The following DPYD variants were observed in gnomAD, a reference collection of about 807,000 sequenced individuals.
The protein encoded by DPYD is dihydropyrimidine dehydrogenase [NADP(+)].
A neutral mutation model predicts 116.2 loss-of-function variants in DPYD; 109 were observed. The ratio of observed to expected loss-of-function variants is 0.94; its 90% CI spans 0.80 to 1.10. DPYD has a LOEUF of 1.10. DPYD is among the 50% of genes least tolerant of loss of function. The probability of loss-of-function intolerance (pLI) is 0.00; values close to 1 mark genes in which losing one functional copy is unlikely to be tolerated. For missense variants in DPYD, 1,302 were observed against 1,254.5 expected (o/e 1.04, Z -0.57); for synonymous variants, 440 against 432.0 (o/e 1.02, Z -0.23).
intron 19 of DPYD, among the ~76,000 whole-genome samples, chr1:97,232,403 G>C (rs760678095): frequency 5.8e-4 from 89 of 152,192 alleles, no homozygotes; most frequent in Non-Finnish European, 1.1e-3. Context: ...GCCCTCTTTG[G>C]AAGTCTACCT....
chr1:97,374,699 A>G (rs1671501612), intron 15 of DPYD, among the ~76,000 whole-genome samples: 2 of 133,620 alleles, frequency 1.5e-5, no homozygotes, highest in South Asian at 2.7e-4. Context: ...AGCCTGGGAA[A>G]GAGCAAGACT....
chr1:97,892,700 G>A (rs1197438318), intron 1 of DPYD, among the ~76,000 whole-genome samples: 1 of 151,692 alleles, frequency 6.6e-6, no homozygotes, highest in Non-Finnish European at 1.5e-5. Flanking sequence ...ACTTTTCCAA[G>A]TAACTTATCA....
intron 18 of DPYD, among the ~76,000 whole-genome samples, chr1:97,267,163 C>T (rs1664293119): frequency 6.6e-6 from 1 of 152,152 alleles, no homozygotes; most frequent in African/African-American, 2.4e-5. Context: ...AAAAGCGTTT[C>T]TATTTCTCCA....
chr1:97,824,195 T>A (rs190036442), intron 3 of DPYD, among the ~76,000 whole-genome samples: 1 of 152,204 alleles, frequency 6.6e-6, no homozygotes, highest in African/African-American at 2.4e-5. Flanking sequence ...AAATAAGAGC[T>A]ACCTTGTCTC....
chr1:97,292,025 AT>A (rs1035121325), intron 18 of DPYD, among the ~76,000 whole-genome samples: 37 of 151,986 alleles, frequency 2.4e-4, no homozygotes, highest in Non-Finnish European at 4.3e-4. Flanking sequence ...ATTAGGTTTT[AT>A]TTTTTTTCCT....
intron 4 of DPYD, among the ~76,000 whole-genome samples, chr1:97,733,884 TACTG>T (rs1159449464): frequency 3.9e-5 from 6 of 152,060 alleles, no homozygotes; most frequent in Admixed American, 1.3e-4. Context: ...ATTTACATCT[TACTG>T]ACTAATATGC....
chr1:97,138,174 G>A (rs1466691044), intron 20 of DPYD, among the ~76,000 whole-genome samples: 1 of 152,124 alleles, frequency 6.6e-6, no homozygotes, highest in African/African-American at 2.4e-5. Context: ...GATGCACACT[G>A]AACCTGGCCT....
intron 20 of DPYD, among the ~76,000 whole-genome samples, chr1:97,173,323 T>TGTGTATATATGTACACATATATGC (rs1290695631): frequency 8.0e-4 from 109 of 136,424 alleles, no homozygotes; most frequent in African/African-American, 3.4e-3. Context: ...CACACATATA[T>TGTGTATATATGTACACATATATGC]ACACATATAT....
chr1:97,367,646 T>C (rs1671106095), intron 16 of DPYD, among the ~76,000 whole-genome samples: 1 of 152,198 alleles, frequency 6.6e-6, no homozygotes, highest in African/African-American at 2.4e-5. Flanking sequence ...CTTATTTGCC[T>C]GTAAAGCTAC....
At chr1:97,857,814 C>T (rs115044824) in intron 2 of DPYD, among the ~76,000 whole-genome samples, 2,122 of 152,164 alleles carry the variant, frequency 0.014, 20 homozygotes, top group Non-Finnish European at 0.021. Context: ...GGAGACCCGA[C>T]TTGATACTAG....
intron 1 of DPYD, among the ~76,000 whole-genome samples, chr1:97,886,343 G>T (rs1034921158): frequency 3.9e-5 from 6 of 152,004 alleles, no homozygotes; most frequent in African/African-American, 1.4e-4. Flanking sequence ...AACTGCAACT[G>T]AGTGCAGCTG....
rs1047432772 is a variant in DPYD, at chr1:97,846,097, C to T, written c.151-17901G>A. On this transcript the variant is annotated intron_variant, in intron 2 of 22. Coordinates refer to ENST00000370192, the MANE Select transcript of DPYD (RefSeq NM_000110.4). ...GCGAGCCGAGAACAGCCTGCTGGGC[C>T]GAGTGGGCAGAATGAGCCCAGGTGG... Among the ~76,000 whole-genome samples, 12 of 152,244 alleles carry T rather than the reference C, an allele frequency of 7.9e-5. No individual in the cohort carries two copies. The East Asian group carries it at 1.4e-3, about 17-fold the overall frequency.
At chr1:97,494,160 GTA>G (rs1215029322) in intron 13 of DPYD, among the ~76,000 whole-genome samples, 13 of 152,114 alleles carry the variant, frequency 8.5e-5, no homozygotes, top group African/African-American at 2.9e-4. Flanking sequence ...AATGGACCTG[GTA>G]TACAGATAAC....
chr1:97,425,742 T>A (rs1291350616), intron 14 of DPYD, among the ~76,000 whole-genome samples: 8 of 152,072 alleles, frequency 5.3e-5, no homozygotes. Context: ...CCAACTCTGG[T>A]CAATTCCCCT....
intron 14 of DPYD, among the ~76,000 whole-genome samples, chr1:97,444,356 C>T (rs1217348424): frequency 1.3e-5 from 2 of 152,046 alleles, no homozygotes; most frequent in Admixed American, 1.3e-4. Context: ...ACAGTCAATG[C>T]AATATCTCTA....
chr1:97,407,165 A>T (rs1049308643), intron 14 of DPYD, among the ~76,000 whole-genome samples: 1 of 152,200 alleles, frequency 6.6e-6, no homozygotes, highest in African/African-American at 2.4e-5. Context: ...ACATAGGAAT[A>T]AAAAAGAGGT....
intron 3 of DPYD, among the ~76,000 whole-genome samples, chr1:97,787,531 G>A (rs1667108081): frequency 6.6e-6 from 1 of 152,164 alleles, no homozygotes; most frequent in Admixed American, 6.6e-5. Flanking sequence ...AGGCAGAGAA[G>A]TAGCAAACAC....
chr1:97,413,058 A>G (rs901586825), intron 14 of DPYD, among the ~76,000 whole-genome samples: 2 of 152,190 alleles, frequency 1.3e-5, no homozygotes, highest in African/African-American at 2.4e-5. Flanking sequence ...CATATGCTAC[A>G]CTTTTCAACT....
chr1:97,085,236 A>T (rs1221291900), intron 21 of DPYD, among the ~76,000 whole-genome samples: 1 of 152,232 alleles, frequency 6.6e-6, no homozygotes, highest in Non-Finnish European at 1.5e-5. Context: ...ATCATCAATA[A>T]ATATTCAAAT....
Sources: gnomAD v4.1 joint callset for allele counts (sites outside exome capture counted in the v4.1 genomes callset) on GRCh38, gnomAD v4.1.1 for gene constraint, MANE v1.5 for transcripts, NCBI Gene and HGNC (gene_info 2026-07-23, HGNC 2026-07-21) for gene names.